Variants in MAF observed in about 807,000 individuals in gnomAD.
The protein encoded by MAF is MAF bZIP transcription factor, also known as transcription factor Maf.
MAF carries 10 observed loss-of-function variants against 22.0 expected under a neutral mutation model. The observed-to-expected ratio is 0.45, with a 90% CI of 0.28 to 0.77. The LOEUF (loss-of-function observed/expected upper bound fraction) is 0.77. Among genes scored for constraint, MAF ranks in the 30% least tolerant of loss-of-function variants. The probability of loss-of-function intolerance (pLI) is 0.12; values close to 1 mark genes in which losing one functional copy is unlikely to be tolerated. For synonymous variants in MAF, 337 were observed against 255.8 expected, an observed-to-expected ratio of 1.32 and a Z score of -3.03; for missense variants, 544 against 548.4, an observed-to-expected ratio of 0.99 and a Z score of 0.08.
At chr16:79,322,035 C>T in the MAF span, among the ~76,000 whole-genome samples, 1 of 152,110 alleles carries the variant, frequency 6.6e-6, no homozygotes, top group South Asian at 2.1e-4. Flanking sequence ...GGTTTGCGAC[C>T]AACCTGGGCA....
chr16:79,377,005 G>A, the MAF span, among the ~76,000 whole-genome samples: 1 of 152,174 alleles, frequency 6.6e-6, no homozygotes, highest in Non-Finnish European at 1.5e-5. Context: ...TGTCTTTATA[G>A]CAGCATGTTT....
At chr16:79,256,151 T>G in the MAF span, among the ~76,000 whole-genome samples, 24,648 of 148,940 alleles carry the variant, frequency 0.17, 3,620 homozygotes, top group African/African-American at 0.4. Context: ...CCAGCTAAAT[T>G]TTTTTTTTTT....
At chr16:79,305,377 C>T in the MAF span, among the ~76,000 whole-genome samples, 1 of 152,220 alleles carries the variant, frequency 6.6e-6, no homozygotes, top group Non-Finnish European at 1.5e-5. Context: ...TCCCAACCTA[C>T]TTCCAACCTC....
chr16:79,598,896 C>A lies in MAF; in HGVS notation c.1007G>T (p.Arg336Met). ...QVDHLKQEIS[R>M]LVRERDAYKE... ...GTACGCGTCCCTCTCGCGCACCAGC[C>A]TGGAGATCTCCTGCTTGAGGTGGTC... The change falls in exon 1 of 2, where the codon AGG (arginine) becomes ATG (methionine). Residue 336 changes from arginine to methionine, a missense_variant. Arg to Met is a moderately conservative substitution (Grantham distance 91). This residue lies in a region of MAF where 129 missense variants were observed against 113.6 expected (regional missense o/e 1.14). Transcript: ENST00000326043. 6.2e-7 allele frequency: 1 copy of A among 1,613,804 alleles called. No homozygotes were observed. The highest frequency in any genetic ancestry group is 8.5e-7 in the Non-Finnish European group (1 of 1,179,986).
the MAF span, among the ~76,000 whole-genome samples, chr16:79,445,251 G>C: frequency 1.3e-5 from 2 of 151,298 alleles, no homozygotes; most frequent in African/African-American, 4.9e-5. Context: ...CACCATGTTA[G>C]CCAGGATGGT....
the MAF span, among the ~76,000 whole-genome samples, chr16:79,448,663 G>A: frequency 6.6e-6 from 1 of 151,852 alleles, no homozygotes; most frequent in Non-Finnish European, 1.5e-5. Context: ...CAGACCTTGT[G>A]ATCCACACGC....
chr16:79,367,028 G>A, the MAF span, among the ~76,000 whole-genome samples: 1 of 151,156 alleles, frequency 6.6e-6, no homozygotes, highest in Non-Finnish European at 1.5e-5. Context: ...AAAACTCAAG[G>A]TTTTTTTTTC....
chr16:79,215,576 A>AC, the MAF span, among the ~76,000 whole-genome samples: 1 of 152,092 alleles, frequency 6.6e-6, no homozygotes, highest in East Asian at 1.9e-4. Flanking sequence ...CTCTATGCTG[A>AC]CTTCCTCCTC....
chr16:79,443,902 T>C, the MAF span, among the ~76,000 whole-genome samples: 2 of 152,314 alleles, frequency 1.3e-5, no homozygotes, highest in Admixed American at 1.3e-4. Flanking sequence ...TAAAGCCACT[T>C]GTGGTTGTTT....
At chr16:79,427,706 A>G in the MAF span, among the ~76,000 whole-genome samples, 1 of 152,150 alleles carries the variant, frequency 6.6e-6, no homozygotes, top group South Asian at 2.1e-4. Flanking sequence ...GCCGTTCCTG[A>G]TAGCCCTGTA....
At chr16:79,283,978 A>AG in the MAF span, among the ~76,000 whole-genome samples, 4 of 81,034 alleles carry the variant, frequency 4.9e-5, no homozygotes, top group Admixed American at 5.9e-4. Flanking sequence ...AAAAAAAAAA[A>AG]AAAAAAAGAC....
At chr16:79,437,142 C>CTGTG in the MAF span, among the ~76,000 whole-genome samples, 256 of 39,338 alleles carry the variant, frequency 6.5e-3, no homozygotes, top group African/African-American at 0.012. Flanking sequence ...AGCTCTCTCT[C>CTGTG]TCTCTGTGTG....
the MAF span, among the ~76,000 whole-genome samples, chr16:79,232,047 C>T: frequency 3.7e-3 from 560 of 152,066 alleles, 3 homozygotes; most frequent in African/African-American, 0.013. Flanking sequence ...GCTGATAGGA[C>T]AGGAGGTGGA....
the MAF span, among the ~76,000 whole-genome samples, chr16:79,416,128 C>G: frequency 1.3e-4 from 20 of 152,128 alleles, no homozygotes; most frequent in Admixed American, 1.3e-3. Flanking sequence ...TGCCCCTAAG[C>G]TGCCACCCGC....
chr16:79,385,303 A>G, the MAF span, among the ~76,000 whole-genome samples: 1 of 152,258 alleles, frequency 6.6e-6, no homozygotes, highest in East Asian at 1.9e-4. Context: ...AGAGTTGCTC[A>G]TTGGATTACA....
chr16:79,308,883 G>C, the MAF span, among the ~76,000 whole-genome samples: 9 of 152,286 alleles, frequency 5.9e-5, no homozygotes, highest in South Asian at 8.3e-4. Context: ...TGGGAATCTG[G>C]GAGACGGGAG....
the MAF span, among the ~76,000 whole-genome samples, chr16:79,277,173 T>C: frequency 2.0e-5 from 3 of 152,118 alleles, no homozygotes; most frequent in East Asian, 5.8e-4. Context: ...AAAATGCTCC[T>C]TAGGCAGACG....
chr16:79,539,904 A>C, the MAF span, among the ~76,000 whole-genome samples: 1 of 152,196 alleles, frequency 6.6e-6, no homozygotes, highest in South Asian at 2.1e-4. Context: ...TTCTCTGATG[A>C]AATTATGAGT....
chr16:79,439,257 C>CT, the MAF span, among the ~76,000 whole-genome samples: 3,192 of 130,748 alleles, frequency 0.024, 184 homozygotes, highest in African/African-American at 0.053. Context: ...TAGGTACTTA[C>CT]TTTTTTTTTT....
Sources: gnomAD v4.1 joint callset for allele counts (sites outside exome capture counted in the v4.1 genomes callset) on GRCh38, gnomAD v4.1.1 for gene constraint, gnomAD v4.1.1 regional missense constraint, MANE v1.5 for transcripts, NCBI Gene and HGNC (gene_info 2026-07-23, HGNC 2026-07-21) for gene names.